Variants in STX1B observed in about 807,000 individuals in gnomAD.
The protein encoded by STX1B is syntaxin 1B.
STX1B carries 7 observed loss-of-function variants against 39.4 expected under a neutral mutation model. The observed-to-expected ratio is 0.18, with a 90% CI of 0.10 to 0.33. The LOEUF is 0.33. STX1B is among the 10% of genes least tolerant of loss of function. The pLI, the probability that STX1B is intolerant of heterozygous loss-of-function variation, is 1.00. For missense variants in STX1B, 198 were observed against 383.2 expected, an observed-to-expected ratio of 0.52 and a Z score of 4.04; for synonymous variants, 136 against 144.1, an observed-to-expected ratio of 0.94 and a Z score of 0.40.
In STX1B at chr16:30,991,887, AAAC is replaced by A. The variant is rs1166658120; in HGVS notation, c.*931_*933del. 1 of 152,140 alleles carries A rather than the reference AAAC, an allele frequency of 6.6e-6. No homozygotes were observed. The highest frequency in any genetic ancestry group is 1.5e-5 in the Non-Finnish European group (1 of 68,138). 9.4% of individuals were successfully genotyped at this position (152,140 alleles called of 1,614,324 possible). A position where few individuals can be genotyped will look rare whatever the true frequency, so the allele number is the denominator to read the frequency against. On this transcript the variant is annotated 3_prime_UTR_variant, in exon 10 of 10. Transcript: ENST00000215095. The stretch of plus-strand genomic sequence containing the variant: ...CGTCTCGAAAAAAACAAAAAACAAA[AAAC>A]AAAAAAAAATTAAAAAGCACACCAT...
At position 31,010,363 on chromosome 16, in the gene STX1B, T is replaced by C; in HGVS notation, c.30+4A>G. The C allele has an allele frequency of 1.7e-6, 2 of 1,186,292 alleles. No individual in the cohort carries two copies. The highest frequency in any genetic ancestry group is 3.2e-5 in the South Asian group (2 of 63,086). The allele number at this position is 1,186,292 out of a possible 1,614,324, so 73.5% of individuals were successfully genotyped here. The stretch of plus-strand genomic sequence containing the variant: ...CCCCCCATTCTCCCCACCCCCAAGC[T>C]CACACTCCGCAGCTCTTGAGTCCGA... On this transcript the variant is annotated splice_donor_region_variant and intron_variant, in intron 1 of 9. Coordinates refer to ENST00000215095, the MANE Select transcript of STX1B (RefSeq NM_052874.5).
chr16:31,006,743 C>T (rs2056656707), intron 1 of STX1B, among the ~76,000 whole-genome samples: 1 of 152,124 alleles, frequency 6.6e-6, no homozygotes, highest in South Asian at 2.1e-4. Context: ...GCAGAGGGAA[C>T]AGCATGCTGG....
Position 30,992,529 on chromosome 16 carries a change from A to T in STX1B, c.*292T>A. The T allele has an allele frequency of 2.9e-6, 1 of 347,320 alleles. No individual in the cohort carries two copies. Among genetic ancestry groups the T allele is most frequent in the Non-Finnish European group, 5.4e-6 (1 of 186,166 alleles). 21.5% of individuals were successfully genotyped at this position (347,320 alleles called of 1,614,324 possible). ...TGGAGGGGGTGCTCTGGTGCATCAC[A>T]CACATCACACGCACACGCACGCTGG... On this transcript the variant is annotated 3_prime_UTR_variant, in exon 10 of 10. Coordinates refer to ENST00000215095, the MANE Select transcript of STX1B (RefSeq NM_052874.5).
intron 4 of STX1B, among the ~76,000 whole-genome samples, chr16:30,997,962 A>G (rs2056604609): frequency 6.6e-6 from 1 of 152,166 alleles, no homozygotes; most frequent in Admixed American, 6.5e-5. Context: ...CCTACTTCCT[A>G]CAGCCTCTGG....
intron 7 of STX1B, among the ~76,000 whole-genome samples, chr16:30,993,909 CG>C (rs1474112118): frequency 6.6e-6 from 1 of 150,748 alleles, no homozygotes; most frequent in Non-Finnish European, 1.5e-5. Context: ...TGCTTGAACC[CG>C]GGGGGGCAGA....
Position 30,992,566 on chromosome 16 carries a change from G to A in STX1B, c.*255C>T, listed in dbSNP as rs2056565358. 4 of 465,590 alleles carry A rather than the reference G, an allele frequency of 8.6e-6. No homozygotes were observed. Among genetic ancestry groups the A allele is most frequent in the African/African-American group, 4.0e-5 (2 of 49,750 alleles). 28.8% of individuals were successfully genotyped at this position (465,590 alleles called of 1,614,324 possible). The stretch of plus-strand genomic sequence containing the variant: ...CACACGCACGCTGGGGTGTCCACAC[G>A]TCTCGAGCATGTGCCGGCGGCATGC... On this transcript the variant is annotated 3_prime_UTR_variant, in exon 10 of 10. Coordinates refer to ENST00000215095, the MANE Select transcript of STX1B (RefSeq NM_052874.5).
In STX1B at chr16:31,003,403, A is replaced by C. The variant is rs74015059; in HGVS notation, c.31-1800T>G. ...CTCACCTCTGAGGACCCATCGGCCT[A>C]CCATGATGCTCTTCACTTTCTCTGT... is the stretch of plus-strand genomic sequence containing the variant. On this transcript the variant is annotated intron_variant, in intron 1 of 9. Coordinates refer to ENST00000215095, the MANE Select transcript of STX1B (RefSeq NM_052874.5). Among the ~76,000 whole-genome samples, 1,415 of 152,246 alleles carry C rather than the reference A, an allele frequency of 9.3e-3. 29 individuals carry two copies. Among genetic ancestry groups the C allele is most frequent in the African/African-American group, 0.032 (1,346 of 41,540 alleles).
At chr16:31,008,934 T>A (rs1186321745) in intron 1 of STX1B, among the ~76,000 whole-genome samples, 3 of 152,028 alleles carry the variant, frequency 2.0e-5, no homozygotes, top group South Asian at 4.2e-4. Flanking sequence ...TCAAAATGAG[T>A]GAATATGCAT....
chr16:30,999,949 T>C (rs1188170156), intron 4 of STX1B, among the ~76,000 whole-genome samples: 1 of 152,126 alleles, frequency 6.6e-6, no homozygotes, highest in Non-Finnish European at 1.5e-5. Flanking sequence ...CCTGGAACTT[T>C]GTAGAAATTC....
intron 5 of STX1B, 32 bp downstream of exon 5, chr16:30,997,470 G>A (rs535137563): frequency 3.3e-5 from 52 of 1,573,086 alleles, no homozygotes; most frequent in Non-Finnish European, 4.2e-5. Flanking sequence ...GCTGGGTCCC[G>A]ACCCGACCCC....
At position 30,991,511 on chromosome 16, in the gene STX1B, C is replaced by CAA. The variant is rs55969374; in HGVS notation, c.*1309_*1310insTT. 6.6e-6 allele frequency: 1 copy of CAA among 151,314 alleles called. No homozygotes were observed. The highest frequency in any genetic ancestry group is 1.5e-5 in the Non-Finnish European group (1 of 67,550). 9.4% of individuals were successfully genotyped at this position (151,314 alleles called of 1,614,324 possible). On this transcript the variant is annotated 3_prime_UTR_variant, in exon 10 of 10. Coordinates refer to ENST00000215095, the MANE Select transcript of STX1B (RefSeq NM_052874.5). ...GTCCTTAGAAGTGTGTGTGCACGCA[C>CAA]GTGTGTGTGTGTGTGTGTAATACGC...
intron 1 of STX1B, among the ~76,000 whole-genome samples, chr16:31,005,453 C>CT (rs1260054267): frequency 3.9e-5 from 5 of 127,318 alleles, no homozygotes; most frequent in South Asian, 2.5e-4. Context: ...CTTTGCATTT[C>CT]TTTTTTTTTC....
In STX1B at chr16:31,001,857, G is replaced by C. The variant is rs1367399964; in HGVS notation, c.31-254C>G. Among the ~76,000 whole-genome samples, 1 of 152,196 alleles carries C rather than the reference G, an allele frequency of 6.6e-6. No homozygotes were observed. The highest frequency in any genetic ancestry group is 1.5e-5 in the Non-Finnish European group (1 of 68,018). ...GGGTGGATGTGGCCTTGGGGGCGCA[G>C]AGCCAGCCTTGACCAGCCAATAGGG... On this transcript the variant is annotated intron_variant, in intron 1 of 9. Transcript: ENST00000215095. This position sits in a 1 kb window ranked among gnomAD's most constrained non-coding sequence, Gnocchi z 5.5.
intron 7 of STX1B, among the ~76,000 whole-genome samples, chr16:30,994,588 G>GAAA (rs563043482): frequency 7.8e-6 from 1 of 127,892 alleles, no homozygotes; most frequent in Non-Finnish European, 1.7e-5. Context: ...AGACCATGCT[G>GAAA]AAAAAAAAAA....
chr16:31,003,516 A>G (rs980072841), intron 1 of STX1B, among the ~76,000 whole-genome samples: 4 of 152,144 alleles, frequency 2.6e-5, no homozygotes, highest in African/African-American at 9.7e-5. Context: ...CCACTCACTC[A>G]GCCACCAGCC....
chr16:31,000,307 C>CT (rs1171231357), intron 4 of STX1B, among the ~76,000 whole-genome samples: 16 of 144,610 alleles, frequency 1.1e-4, no homozygotes, highest in Middle Eastern at 3.6e-3. Flanking sequence ...CGCCCAGTCC[C>CT]TTTTTTTTTG....
In STX1B at chr16:30,991,528, GTA is replaced by G. The variant is rs1190276490; in HGVS notation, c.*1291_*1292del. The G allele has an allele frequency of 1.3e-5, 2 of 152,908 alleles. No homozygotes were observed. The highest frequency in any genetic ancestry group is 1.9e-4 in the East Asian group (1 of 5,184). 9.5% of individuals were successfully genotyped at this position (152,908 alleles called of 1,614,324 possible). On this transcript the variant is annotated 3_prime_UTR_variant, in exon 10 of 10. Coordinates refer to ENST00000215095, the MANE Select transcript of STX1B (RefSeq NM_052874.5). The stretch of plus-strand genomic sequence containing the variant: ...TGCACGCACGTGTGTGTGTGTGTGT[GTA>G]ATACGCAGGGCAGAAACACACCATG...
In STX1B at chr16:30,992,623, G is replaced by A; in HGVS notation, c.*198C>T. 1.8e-6 allele frequency: 1 copy of A among 546,372 alleles called. No homozygotes were observed. Among genetic ancestry groups the A allele is most frequent in the Non-Finnish European group, 3.2e-6 (1 of 307,890 alleles). 33.8% of individuals were successfully genotyped at this position (546,372 alleles called of 1,614,324 possible). Reference sequence around the variant, plus strand: ...GTGTGCATGTGTAATCACGCCTGCTGCGATCTACGTGCGGGGACGGGGGGG... The same window carrying A: ...GTGTGCATGTGTAATCACGCCTGCTACGATCTACGTGCGGGGACGGGGGGG... On this transcript the variant is annotated 3_prime_UTR_variant, in exon 10 of 10. Coordinates refer to ENST00000215095, the MANE Select transcript of STX1B (RefSeq NM_052874.5).
rs1433931001 is a variant in STX1B, at chr16:30,991,228, G to C, written c.*1593C>G. Reference sequence around the variant, plus strand: ...ATGGTTTGTGCCTGGTATGGCCCCTGCCTGGGGCCACCTCGGCCTTGCCAC... The same window carrying C: ...ATGGTTTGTGCCTGGTATGGCCCCTCCCTGGGGCCACCTCGGCCTTGCCAC... On this transcript the variant is annotated 3_prime_UTR_variant, in exon 10 of 10. Transcript: ENST00000215095. 1 of 152,768 alleles carries C rather than the reference G, an allele frequency of 6.5e-6. No homozygotes were observed. Among genetic ancestry groups the C allele is most frequent in the Non-Finnish European group, 1.5e-5 (1 of 68,096 alleles). The allele number at this position is 152,768 out of a possible 1,614,324, so 9.5% of individuals were successfully genotyped here.
Sources: gnomAD v4.1 joint callset for allele counts (sites outside exome capture counted in the v4.1 genomes callset) on GRCh38, gnomAD v4.1.1 for gene constraint, Gnocchi (gnomAD v3.1) non-coding constraint, MANE v1.5 for transcripts, NCBI Gene and HGNC (gene_info 2026-07-23, HGNC 2026-07-21) for gene names.